ZFHX3: variants seen among roughly 807,000 people sequenced by gnomAD.
ZFHX3 encodes the protein zinc finger homeobox 3, also known as zinc finger homeobox protein 3.
Under a neutral mutation model 279.1 loss-of-function variants are expected in ZFHX3, and 42 were observed. The ratio of observed to expected loss-of-function variants is 0.15; its 90% confidence interval spans 0.12 to 0.19. ZFHX3 has a LOEUF of 0.19. ZFHX3 is among the 10% of genes least tolerant of loss of function. The pLI, the probability that ZFHX3 is intolerant of heterozygous loss-of-function variation, is 1.00. For synonymous variants in ZFHX3, 2,293 were observed against 1,957.8 expected (o/e 1.17, Z -4.52); for missense variants, 4,981 against 4,754.0 (o/e 1.05, Z -1.40).
At chr16:73,126,884 G>A (rs909857877) in intron 7 of ZFHX3, 5 of 155,104 alleles carry the variant, frequency 3.2e-5, no homozygotes, top group African/African-American at 9.6e-5. Context: ...AAAGGACAGA[G>A]GGATGGATGG....
intron 2 of ZFHX3, among the ~76,000 whole-genome samples, chr16:73,660,124 G>A (rs767682887): frequency 2.6e-5 from 4 of 152,136 alleles, no homozygotes; most frequent in Admixed American, 1.3e-4. Flanking sequence ...TTATTCACCC[G>A]AGGCAAAATT....
intron 5 of ZFHX3, among the ~76,000 whole-genome samples, chr16:73,236,850 G>A (rs1273876886): frequency 6.6e-6 from 1 of 152,154 alleles, no homozygotes; most frequent in East Asian, 1.9e-4. Context: ...CCCCAGAAGA[G>A]AGAGATCCTG....
chr16:73,383,306 AC>A (rs2016846324), intron 3 of ZFHX3, among the ~76,000 whole-genome samples: 5 of 152,334 alleles, frequency 3.3e-5, no homozygotes, highest in Admixed American at 3.3e-4. Context: ...GACAGGCAGC[AC>A]AAAGAAATGT....
At chr16:73,583,995 A>T (rs1253680907) in intron 2 of ZFHX3, among the ~76,000 whole-genome samples, 1 of 152,252 alleles carries the variant, frequency 6.6e-6, no homozygotes, top group Non-Finnish European at 1.5e-5. Flanking sequence ...ACAAATTTTT[A>T]AAAATATGCT....
intron 1 of ZFHX3, among the ~76,000 whole-genome samples, chr16:73,793,151 C>T (rs1959884976): frequency 6.6e-6 from 1 of 152,174 alleles, no homozygotes; most frequent in South Asian, 2.1e-4. Flanking sequence ...CCTATTTCTT[C>T]CTTCTGTCCC....
At chr16:73,550,951 A>C (rs1470989493) in intron 2 of ZFHX3, among the ~76,000 whole-genome samples, 2 of 152,208 alleles carry the variant, frequency 1.3e-5, no homozygotes, top group Non-Finnish European at 2.9e-5. Context: ...GCCTAAAACA[A>C]ACTTGAGCTT....
At chr16:72,813,685 C>G (rs971682546) in intron 5 of ZFHX3, among the ~76,000 whole-genome samples, 2 of 152,196 alleles carry the variant, frequency 1.3e-5, no homozygotes, top group African/African-American at 4.8e-5. Context: ...TGTCTCGAAT[C>G]GACTTCAAAC....
chr16:73,093,312 A>G (rs1183891613), exon 8 of ZFHX3: 4 of 428,332 alleles, frequency 9.3e-6, no homozygotes, highest in Admixed American at 5.5e-5. Flanking sequence ...AAGGGGAAAG[A>G]TGCATATTGA....
chr16:73,371,238 C>T (rs1365906862), intron 3 of ZFHX3, among the ~76,000 whole-genome samples: 1 of 151,478 alleles, frequency 6.6e-6, no homozygotes, highest in Non-Finnish European at 1.5e-5. Flanking sequence ...GCCCAGGAGG[C>T]GGAGGTTGCA....
intron 1 of ZFHX3, among the ~76,000 whole-genome samples, chr16:73,810,722 T>G (rs1351779137): frequency 3.9e-5 from 6 of 152,150 alleles, no homozygotes; most frequent in Non-Finnish European, 1.5e-5. Context: ...GAGCTTGAAC[T>G]ATCAGGGAAA....
At chr16:73,886,047 AT>A (rs2142418665) in intron 1 of ZFHX3, among the ~76,000 whole-genome samples, 1 of 152,322 alleles carries the variant, frequency 6.6e-6, no homozygotes, top group East Asian at 1.9e-4. Flanking sequence ...TGTAATATTC[AT>A]CAAATTCAAA....
In ZFHX3 at chr16:73,333,189, A is replaced by T. The variant is rs28544028; in HGVS notation, c.-1290-14853T>A. Among the ~76,000 whole-genome samples, 1,039 of 152,350 alleles carry T rather than the reference A, an allele frequency of 6.8e-3. 10 individuals are homozygous for T. Among genetic ancestry groups the T allele is most frequent in the African/African-American group, 0.023 (959 of 41,572 alleles). On this transcript the variant is annotated intron_variant, in intron 3 of 17. Transcript: ENST00000641206. ...CATGGATAGTTACATAGATAGACAC[A>T]TAGATGGATAGACACATAGACACAC...
chr16:73,629,430 T>G (rs765892688), intron 2 of ZFHX3, among the ~76,000 whole-genome samples: 3 of 152,120 alleles, frequency 2.0e-5, no homozygotes, highest in Non-Finnish European at 4.4e-5. Context: ...TGATTCATAT[T>G]ACAAGCAATG....
At chr16:73,836,982 A>C (rs1177076198) in intron 1 of ZFHX3, among the ~76,000 whole-genome samples, 1 of 152,220 alleles carries the variant, frequency 6.6e-6, no homozygotes, top group Non-Finnish European at 1.5e-5. Context: ...GACCTTCACC[A>C]GAAGCTGAGC....
At position 72,797,737 on chromosome 16, in the gene ZFHX3, A is replaced by T. The variant is rs747096478; in HGVS notation, c.4945T>A (p.Ser1649Thr). The part of the protein sequence containing the change: ...TGNSSSISLS[S>T]STPSPVSTSG... ...GTGCTCACAGGACTTGGCGTGGAGG[A>T]GCTCAAGGAAATACTGCTGCTGTTC... is the stretch of plus-strand genomic sequence containing the variant. The change falls in exon 9 of 10, where the codon TCC (serine) becomes ACC (threonine). Residue 1649 changes from serine (S) to threonine (T), a missense_variant. By Grantham distance (58) the Ser-to-Thr change is moderately conservative. Coordinates refer to ENST00000268489, the MANE Select transcript of ZFHX3 (RefSeq NM_006885.4). 1.2e-6 allele frequency: 2 copies of T among 1,614,038 alleles called. No homozygotes were observed. Among genetic ancestry groups the T allele is most frequent in the East Asian group, 4.5e-5 (2 of 44,860 alleles).
chr16:73,357,831 T>G (rs915701796), intron 3 of ZFHX3, among the ~76,000 whole-genome samples: 5 of 152,180 alleles, frequency 3.3e-5, no homozygotes, highest in Non-Finnish European at 7.4e-5. Context: ...CCCATTTCCC[T>G]CTTCCAGGCT....
chr16:73,143,899 G>A, intron 5 of ZFHX3: 1 of 569,760 alleles, frequency 1.8e-6, no homozygotes, highest in South Asian at 1.6e-5. Flanking sequence ...CAGGCCAAGT[G>A]GCTAATGAAT....
At chr16:73,105,370 CATATAT>C (rs60785275) in intron 7 of ZFHX3, among the ~76,000 whole-genome samples, 6 of 112,538 alleles carry the variant, frequency 5.3e-5, no homozygotes, top group African/African-American at 1.9e-4. Flanking sequence ...TATATACACA[CATATAT>C]ATATATACAC....
At chr16:73,513,498 T>C (rs2019468197) in intron 2 of ZFHX3, among the ~76,000 whole-genome samples, 1 of 152,126 alleles carries the variant, frequency 6.6e-6, no homozygotes, top group African/African-American at 2.4e-5. Context: ...TTGGGGCTGG[T>C]TTACAGATAG....
Sources: gnomAD v4.1 joint callset for allele counts (sites outside exome capture counted in the v4.1 genomes callset) on GRCh38, gnomAD v4.1.1 for gene constraint, MANE v1.5 for transcripts, NCBI Gene and HGNC (gene_info 2026-07-23, HGNC 2026-07-21) for gene names.